CEP120: variants seen among roughly 807,000 people sequenced by gnomAD.
CEP120 encodes centrosomal protein 120.
CEP120 carries 113 observed loss-of-function variants against 126.5 expected under a neutral mutation model. The ratio of observed to expected loss-of-function variants is 0.89; its 90% confidence interval spans 0.77 to 1.04. CEP120 has a LOEUF of 1.04. Ranked by LOEUF, CEP120 falls within the 50% of genes least tolerant of loss-of-function variation. The pLI is 0.00. For synonymous variants in CEP120, 400 were observed against 394.3 expected (o/e 1.01, Z -0.17); for missense variants, 1,230 against 1,155.7 (o/e 1.06, Z -0.93).
chr5:123,393,310 G>T lies in CEP120; in HGVS notation c.800C>A (p.Ser267Tyr). The T allele has an allele frequency of 6.2e-7, 1 of 1,614,082 alleles. No individual in the cohort carries two copies. The highest frequency in any genetic ancestry group is 1.1e-5 in the South Asian group (1 of 91,058). The part of the protein sequence containing the change: ...EILRVYLALQ[S>Y]KLQIHLCCGD... ...TGCTGCAATACTCACCTGCAGTTTAGACTGAAGAGCCAGGTAAACACGAAG... is the reference window on the plus strand; with the variant it reads ...TGCTGCAATACTCACCTGCAGTTTATACTGAAGAGCCAGGTAAACACGAAG... Residue 267 changes from serine to tyrosine, a missense_variant, in exon 6 of 20, where the codon TCT becomes TAT. By Grantham distance (144) the Ser-to-Tyr change is moderately radical. Transcript: ENST00000306467.
In CEP120 at chr5:123,377,301, T is replaced by C. The variant is rs961924669; in HGVS notation, c.2358+73A>G. On this transcript the variant is annotated intron_variant, in intron 16 of 19. Coordinates refer to ENST00000306467, the MANE Select transcript of CEP120 (RefSeq NM_001375405.1). Reference sequence around the variant, plus strand: ...ATGAATTTTACCACTTTTTAGTAGTTAGTGAACTATTTCTCTTATTACTAG... The same window carrying C: ...ATGAATTTTACCACTTTTTAGTAGTCAGTGAACTATTTCTCTTATTACTAG... 12 of 1,385,532 alleles carry C rather than the reference T, an allele frequency of 8.7e-6. No individual in the cohort carries two copies. In the Admixed American group the frequency reaches 8.9e-5, roughly 10 times the overall value. The allele number at this position is 1,385,532 out of a possible 1,614,324, so 85.8% of individuals were successfully genotyped here.
chr5:123,403,379 G>A (rs552860572), intron 4 of CEP120: 82 of 443,276 alleles, frequency 1.8e-4, no homozygotes, highest in African/African-American at 1.2e-3. Context: ...AAAGAATCAT[G>A]GAGACATTCA....
chr5:123,386,244 C>T (rs1772011448), intron 10 of CEP120, among the ~76,000 whole-genome samples: 1 of 151,808 alleles, frequency 6.6e-6, no homozygotes, highest in African/African-American at 2.4e-5. Context: ...TTTCAAAGGC[C>T]CCTCATTACA....
chr5:123,372,453 A>G (rs1770916020), intron 17 of CEP120, among the ~76,000 whole-genome samples, 197 bp downstream of exon 17: 1 of 152,100 alleles, frequency 6.6e-6, no homozygotes, highest in African/African-American at 2.4e-5. Context: ...CAAGGACTCT[A>G]ATCTGTATAA....
rs776913103 is a variant in CEP120, at chr5:123,349,928, CT to C, written c.2726+15del. On this transcript the variant is annotated intron_variant, in intron 19 of 19. Coordinates refer to ENST00000306467, the MANE Select transcript of CEP120 (RefSeq NM_001375405.1). The stretch of plus-strand genomic sequence containing the variant: ...CAAACTTTGGCTTTTGAAAGAAACA[CT>C]TTTAGTTATTATACCTGTTCAATTC... The C allele has an allele frequency of 2.5e-6, 4 of 1,606,986 alleles. No individual in the cohort carries two copies. Among genetic ancestry groups the C allele is most frequent in the Admixed American group, 1.7e-5 (1 of 58,480 alleles).
chr5:123,402,451 G>GA, intron 4 of CEP120: 6 of 853,990 alleles, frequency 7.0e-6, no homozygotes, highest in Non-Finnish European at 9.8e-6. Flanking sequence ...ACAGAGTCTT[G>GA]CTCTGTCACC....
chr5:123,415,200 A>C (rs1262272109), intron 3 of CEP120, among the ~76,000 whole-genome samples: 1 of 152,166 alleles, frequency 6.6e-6, no homozygotes, highest in Non-Finnish European at 1.5e-5. Context: ...TATGATAGCC[A>C]AGGTAAGAAA....
At chr5:123,384,788 T>C (rs1580689016) in intron 11 of CEP120, among the ~76,000 whole-genome samples, 163 bp downstream of exon 11, 2 of 152,168 alleles carry the variant, frequency 1.3e-5, no homozygotes, top group African/African-American at 4.8e-5. Context: ...AAGTGGGGTA[T>C]AGCTGCCACA....
chr5:123,386,942 T>G (rs1438719669), intron 9 of CEP120, among the ~76,000 whole-genome samples: 2 of 152,160 alleles, frequency 1.3e-5, no homozygotes, highest in Admixed American at 1.3e-4. Context: ...TTTGTAAACC[T>G]GGTTTATTTT....
chr5:123,423,616 T>C (rs1774870289), upstream of CEP120: 1 of 152,148 alleles, frequency 6.6e-6, no homozygotes, highest in Non-Finnish European at 1.5e-5. Context: ...TGCGTAGCCT[T>C]TAAGGAGCGT....
At chr5:123,378,102 A>G (rs536182076) in intron 15 of CEP120, among the ~76,000 whole-genome samples, 2 of 151,816 alleles carry the variant, frequency 1.3e-5, no homozygotes, top group South Asian at 4.2e-4. Flanking sequence ...AAGATATATG[A>G]TAGATGACAT....
intron 5 of CEP120, among the ~76,000 whole-genome samples, chr5:123,397,678 T>C (rs1772876503): frequency 6.6e-6 from 1 of 152,232 alleles, no homozygotes. Context: ...AGTAAACACA[T>C]TTCCTGATAA....
intron 4 of CEP120, among the ~76,000 whole-genome samples, chr5:123,405,234 T>C (rs1009419566): frequency 4.6e-5 from 7 of 151,542 alleles, no homozygotes; most frequent in African/African-American, 9.7e-5. Context: ...TGGGATGAAC[T>C]GCTAGTAGCT....
chr5:123,370,043 C>A (rs6893539), intron 17 of CEP120, among the ~76,000 whole-genome samples: 103,292 of 151,882 alleles, frequency 0.68, 35,293 homozygotes, highest in Middle Eastern at 0.71. Context: ...TTCTGAGTAG[C>A]ATACATGGTG....
At chr5:123,391,843 T>G (rs558263581) in intron 6 of CEP120, among the ~76,000 whole-genome samples, 1 of 152,280 alleles carries the variant, frequency 6.6e-6, no homozygotes, top group African/African-American at 2.4e-5. Context: ...TTTTCTTGCT[T>G]TTCAGACCTC....
At chr5:123,352,371 G>A in intron 18 of CEP120, among the ~76,000 whole-genome samples, 1 of 151,858 alleles carries the variant, frequency 6.6e-6, no homozygotes, top group Middle Eastern at 3.2e-3. Flanking sequence ...TCTCAATCTT[G>A]AAGATATTCT....
rs1341328678 is a variant in CEP120 at position 123,377,411 on chromosome 5, T to C, written c.2321A>G (p.Lys774Arg). 6.2e-7 allele frequency: 1 copy of C among 1,611,240 alleles called. No homozygotes were observed. Among genetic ancestry groups the C allele is most frequent in the Middle Eastern group, 1.7e-4 (1 of 6,046 alleles). Residue 774 changes from lysine (K) to arginine (R), a missense_variant, in exon 16 of 20, where the codon AAA becomes AGA. Transcript: ENST00000306467. ...HQVELERLKI[K>R]QLEEDKHRLQ... ...GCGGTGTTTATCCTCTTCGAGCTGT[T>C]TGATTTTTAACCTTTCTAGTTCTAC...
intron 2 of CEP120, among the ~76,000 whole-genome samples, chr5:123,416,855 T>A (rs1774423399): frequency 6.6e-6 from 1 of 152,082 alleles, no homozygotes; most frequent in South Asian, 2.1e-4. Context: ...AGCTCTTTTG[T>A]AGCTAAAAAA....
intron 2 of CEP120, 31 bp downstream of exon 2, chr5:123,418,328 A>G (rs369366262): frequency 2.6e-6 from 4 of 1,514,782 alleles, no homozygotes; most frequent in Non-Finnish European, 3.6e-6. Flanking sequence ...TAAGAAACCA[A>G]TAAAGAAGCT....
Sources: gnomAD v4.1 joint callset for allele counts (sites outside exome capture counted in the v4.1 genomes callset) on GRCh38, gnomAD v4.1.1 for gene constraint, MANE v1.5 for transcripts, NCBI Gene and HGNC (gene_info 2026-07-23, HGNC 2026-07-21) for gene names.